CNTN5: variants seen among roughly 807,000 people sequenced by gnomAD.
CNTN5 encodes contactin-5.
CNTN5 carries 77 observed loss-of-function variants against 129.1 expected under a neutral mutation model. The ratio of observed to expected loss-of-function variants is 0.60; its 90% CI spans 0.50 to 0.72. The LOEUF (loss-of-function observed/expected upper bound fraction) is 0.72. Among genes scored for constraint, CNTN5 ranks in the 30% least tolerant of loss-of-function variants. The pLI is 0.00. For missense variants in CNTN5, 1,478 were observed against 1,328.8 expected, an observed-to-expected ratio of 1.11 and a Z score of -1.75; for synonymous variants, 509 against 465.6, an observed-to-expected ratio of 1.09 and a Z score of -1.20.
chr11:99,429,487 T>G (rs1181257883), intron 2 of CNTN5, among the ~76,000 whole-genome samples: 1 of 152,028 alleles, frequency 6.6e-6, no homozygotes, highest in Non-Finnish European at 1.5e-5. Flanking sequence ...GAAAATCAGA[T>G]AGCAAAATAC....
At chr11:99,595,378 A>AT (rs1950094988) in intron 3 of CNTN5, among the ~76,000 whole-genome samples, 1 of 152,070 alleles carries the variant, frequency 6.6e-6, no homozygotes, top group Non-Finnish European at 1.5e-5. Flanking sequence ...TAAGGGAAAT[A>AT]TTTTTATGTA....
intron 17 of CNTN5, among the ~76,000 whole-genome samples, chr11:100,261,933 C>A (rs1950206627): frequency 1.3e-5 from 2 of 152,044 alleles, no homozygotes; most frequent in Admixed American, 6.6e-5. Context: ...GCAACAAAAG[C>A]CAAAATTGGA....
At position 100,340,539 on chromosome 11, in the gene CNTN5, T is replaced by C. The variant is rs564403455; in HGVS notation, c.2807T>C (p.Ile936Thr). ...VKTRGNESFV[I>T]LTGLEGNTLY... The stretch of plus-strand genomic sequence containing the variant: ...ACTAGAGGGAATGAGTCTTTCGTCA[T>C]CCTAACAGGATTAGAAGGAAATACG... The change falls in exon 22 of 25, where the codon ATC becomes ACC. Residue 936 changes from isoleucine to threonine, a missense_variant. Transcript: ENST00000524871. 1 of 1,613,396 alleles carries C rather than the reference T, an allele frequency of 6.2e-7. No homozygotes were observed. Among genetic ancestry groups the C allele is most frequent in the South Asian group, 1.1e-5 (1 of 90,930 alleles).
At chr11:99,274,085 A>T (rs1863308478) in intron 1 of CNTN5, among the ~76,000 whole-genome samples, 1 of 151,832 alleles carries the variant, frequency 6.6e-6, no homozygotes, top group African/African-American at 2.4e-5. Flanking sequence ...AGCCACACGT[A>T]GCTAGTGGCT....
At chr11:99,441,860 T>G (rs1039298655) in intron 2 of CNTN5, among the ~76,000 whole-genome samples, 4 of 152,174 alleles carry the variant, frequency 2.6e-5, no homozygotes. Context: ...TAATATATTT[T>G]GAGATGTGAC....
intron 1 of CNTN5, among the ~76,000 whole-genome samples, chr11:99,156,266 A>G (rs933806655): frequency 1.6e-4 from 25 of 152,156 alleles, no homozygotes; most frequent in African/African-American, 6.0e-4. Context: ...AATTTGCAGA[A>G]AAAGAAATAT....
intron 6 of CNTN5, among the ~76,000 whole-genome samples, chr11:99,875,149 T>A (rs892814821): frequency 1.3e-5 from 2 of 152,130 alleles, no homozygotes; most frequent in Non-Finnish European, 2.9e-5. Flanking sequence ...CTGTATCCCT[T>A]TACCTCCACA....
rs148773796 is a variant in CNTN5, at chr11:99,124,458, T to C, written c.-210+103188T>C. ...GACTATGGGGTTTCTGTGTGTAGAATCATAACATCTACAAACAGGGATGTA... is the reference window on the plus strand; with the variant it reads ...GACTATGGGGTTTCTGTGTGTAGAACCATAACATCTACAAACAGGGATGTA... On this transcript the variant is annotated intron_variant, in intron 1 of 24. Transcript: ENST00000524871. Among the ~76,000 whole-genome samples, 336 of 152,074 alleles carry C rather than the reference T, an allele frequency of 2.2e-3. 3 individuals carry two copies. The highest frequency in any genetic ancestry group is 7.6e-3 in the African/African-American group (316 of 41,540).
At chr11:99,558,374 T>C (rs991551453) in intron 3 of CNTN5, 1 of 295,182 alleles carries the variant, frequency 3.4e-6, no homozygotes, top group Non-Finnish European at 6.8e-6. Context: ...GTTTTGTGTG[T>C]ATGTTTTTTG....
intron 2 of CNTN5, among the ~76,000 whole-genome samples, chr11:99,448,414 C>T (rs1301700153): frequency 6.6e-6 from 1 of 151,978 alleles, no homozygotes; most frequent in Non-Finnish European, 1.5e-5. Context: ...TGCATATGCA[C>T]TATTAATCAT....
At chr11:99,383,703 C>G (rs964747533) in intron 2 of CNTN5, among the ~76,000 whole-genome samples, 1 of 151,608 alleles carries the variant, frequency 6.6e-6, no homozygotes, top group African/African-American at 2.4e-5. Context: ...TTTCCCATGG[C>G]TATTATAATT....
At chr11:100,207,715 T>C (rs1948945731) in intron 15 of CNTN5, among the ~76,000 whole-genome samples, 2 of 152,192 alleles carry the variant, frequency 1.3e-5, no homozygotes, top group South Asian at 4.1e-4. Context: ...TAAATACTTA[T>C]GGCTTTCCCC....
chr11:99,658,890 A>G (rs1205026757), intron 3 of CNTN5, among the ~76,000 whole-genome samples: 3 of 145,968 alleles, frequency 2.1e-5, no homozygotes, highest in African/African-American at 7.5e-5. Flanking sequence ...CTCTGTCTCA[A>G]AAAAAAAAAA....
chr11:99,275,974 G>A (rs1863408774), intron 1 of CNTN5, among the ~76,000 whole-genome samples: 2 of 151,632 alleles, frequency 1.3e-5, no homozygotes, highest in East Asian at 1.9e-4. Context: ...ATCTACCACA[G>A]GCAGATCTTC....
chr11:99,546,454 T>C (rs1948294799), intron 2 of CNTN5, among the ~76,000 whole-genome samples: 1 of 152,050 alleles, frequency 6.6e-6, no homozygotes. Context: ...AATCACAAGA[T>C]CTATAAATTG....
chr11:100,224,213 G>A (rs1236291189), intron 15 of CNTN5, among the ~76,000 whole-genome samples: 1 of 152,116 alleles, frequency 6.6e-6, no homozygotes, highest in African/African-American at 2.4e-5. Flanking sequence ...ACTGAGCACT[G>A]TCTCATTCTG....
At chr11:100,184,790 A>G (rs896094484) in intron 13 of CNTN5, among the ~76,000 whole-genome samples, 7 of 152,154 alleles carry the variant, frequency 4.6e-5, no homozygotes, top group African/African-American at 1.7e-4. Context: ...ATATATAGGG[A>G]TCATTTACAA....
intron 13 of CNTN5, among the ~76,000 whole-genome samples, chr11:100,090,523 C>G (rs1591221084): frequency 1.1e-5 from 1 of 91,220 alleles, no homozygotes; most frequent in Non-Finnish European, 2.2e-5. Flanking sequence ...CCCTCCCTCC[C>G]TCCCTTCCTT....
rs1209474302 is a variant in CNTN5 at position 99,442,709 on chromosome 11, C to A, written c.-70-113436C>A. Among the ~76,000 whole-genome samples the A allele has an allele frequency of 1.3e-5, 2 of 152,134 alleles. 1 individual carries two copies. Among genetic ancestry groups the A allele is most frequent in the African/African-American group, 4.8e-5 (2 of 41,420 alleles). Reference sequence around the variant, plus strand: ...GTTTCTTGAATTTGTAAAATCCATGCTTTAGTTTCTTTCCCAAATCCTGCA... The same window carrying A: ...GTTTCTTGAATTTGTAAAATCCATGATTTAGTTTCTTTCCCAAATCCTGCA... On this transcript the variant is annotated intron_variant, in intron 2 of 24. Coordinates refer to ENST00000524871, the MANE Select transcript of CNTN5 (RefSeq NM_014361.4).
Sources: gnomAD v4.1 joint callset for allele counts (sites outside exome capture counted in the v4.1 genomes callset) on GRCh38, gnomAD v4.1.1 for gene constraint, MANE v1.5 for transcripts, NCBI Gene and HGNC (gene_info 2026-07-23, HGNC 2026-07-21) for gene names.